SHOC2: variants seen among roughly 807,000 people sequenced by gnomAD.
The protein encoded by SHOC2 is SHOC2 leucine rich repeat scaffold protein.
A neutral mutation model predicts 50.2 loss-of-function variants in SHOC2; 4 were observed. The observed-to-expected ratio is 0.08, with a 90% CI of 0.04 to 0.18. The LOEUF (loss-of-function observed/expected upper bound fraction) is 0.18, where lower values mean the gene tolerates loss of function less well. Ranked by LOEUF, SHOC2 falls within the 10% of genes least tolerant of loss-of-function variation. The probability of loss-of-function intolerance (pLI) is 1.00; values close to 1 mark genes in which losing one functional copy is unlikely to be tolerated. For missense variants in SHOC2, 388 were observed against 669.6 expected (o/e 0.58, Z 4.64); for synonymous variants, 218 against 244.5 (o/e 0.89, Z 1.01).
intron 1 of SHOC2, among the ~76,000 whole-genome samples, chr10:110,961,358 T>A (rs1429398855): frequency 1.3e-5 from 2 of 152,232 alleles, no homozygotes; most frequent in African/African-American, 4.8e-5. Context: ...TGTTTTCTTA[T>A]CTAAAACGTT....
intron 1 of SHOC2, among the ~76,000 whole-genome samples, chr10:110,933,556 C>A (rs1846936578): frequency 6.6e-6 from 1 of 152,076 alleles, no homozygotes; most frequent in African/African-American, 2.4e-5. Flanking sequence ...TGAGTGAACC[C>A]AGTAGGGGAA....
intron 1 of SHOC2, among the ~76,000 whole-genome samples, chr10:110,939,607 GACGTATGTCAACTTTGATGTTAGATTATA>G (rs1847097174): frequency 1.3e-5 from 2 of 152,170 alleles, no homozygotes; most frequent in Non-Finnish European, 2.9e-5. Context: ...GTTAGATTAT[GACGTATGTCAACTTTGATGTTAGATTATA>G]ACGTATGTCA....
chr10:110,924,130 C>T (rs1339913036), intron 1 of SHOC2, among the ~76,000 whole-genome samples: 1 of 152,090 alleles, frequency 6.6e-6, no homozygotes, highest in Non-Finnish European at 1.5e-5. Flanking sequence ...ATAAATATTT[C>T]TTAGTAACTA....
chr10:110,933,899 T>C (rs1009972268), intron 1 of SHOC2, among the ~76,000 whole-genome samples: 2 of 152,184 alleles, frequency 1.3e-5, no homozygotes, highest in African/African-American at 4.8e-5. Context: ...TGGATTTTTT[T>C]GTGAGGCTCC....
At chr10:110,973,864 C>T (rs1459928236) in intron 2 of SHOC2, among the ~76,000 whole-genome samples, 4 of 151,170 alleles carry the variant, frequency 2.6e-5, no homozygotes. Flanking sequence ...TTTTAATGTT[C>T]CATATATATA....
Position 110,982,082 on chromosome 10 carries a change from A to G in SHOC2, c.704-3546A>G, listed in dbSNP as rs1193792221. Among the ~76,000 whole-genome samples, 8 of 138,790 alleles carry G rather than the reference A, an allele frequency of 5.8e-5. No individual in the cohort carries two copies. In the South Asian group the frequency reaches 1.7e-3, roughly 29 times the overall value. 91.1% of individuals were successfully genotyped at this position (138,790 alleles called of 152,430 possible). ...CATGTGATCTCATTGTTCAGTTCCC[A>G]CCTATGAGTGAGAATATGCGGTGTT... On this transcript the variant is annotated intron_variant, in intron 2 of 8. Transcript: ENST00000369452.
chr10:111,001,854 A>T (rs369139394), intron 4 of SHOC2, among the ~76,000 whole-genome samples: 2 of 152,164 alleles, frequency 1.3e-5, no homozygotes, highest in Admixed American at 1.3e-4. Flanking sequence ...CCTGGCCAAC[A>T]TGGCAAAACC....
chr10:110,999,123 C>T (rs1848319982), intron 3 of SHOC2, among the ~76,000 whole-genome samples: 1 of 152,190 alleles, frequency 6.6e-6, no homozygotes, highest in Non-Finnish European at 1.5e-5. Context: ...CAGGCTTCCA[C>T]TTCTGTAATT....
intron 3 of SHOC2, among the ~76,000 whole-genome samples, chr10:110,990,346 T>C (rs1276915318): frequency 2.7e-5 from 4 of 150,500 alleles, no homozygotes; most frequent in Non-Finnish European, 5.9e-5. Context: ...TGTATCTAGG[T>C]GCTCTGGTGG....
chr10:110,990,662 A>G (rs764100396), intron 3 of SHOC2, among the ~76,000 whole-genome samples: 12 of 152,128 alleles, frequency 7.9e-5, no homozygotes, highest in Non-Finnish European at 1.3e-4. Context: ...AGGCTGCCGG[A>G]GCCAGCATTG....
intron 1 of SHOC2, among the ~76,000 whole-genome samples, chr10:110,953,693 TTGAG>T (rs1203370798): frequency 2.0e-5 from 3 of 151,658 alleles, no homozygotes; most frequent in Non-Finnish European, 4.4e-5. Flanking sequence ...CAGTAAATCT[TTGAG>T]AGAGAGATAT....
chr10:110,922,677 C>G (rs1329371393), intron 1 of SHOC2, among the ~76,000 whole-genome samples: 2 of 151,932 alleles, frequency 1.3e-5, no homozygotes, highest in East Asian at 1.9e-4. Flanking sequence ...TTAAAAAACC[C>G]CAAACAATAA....
chr10:110,947,424 T>C (rs1847266596), intron 1 of SHOC2, among the ~76,000 whole-genome samples: 1 of 152,194 alleles, frequency 6.6e-6, no homozygotes, highest in South Asian at 2.1e-4. Flanking sequence ...AGCTCCTCTG[T>C]AAAGACTGGA....
chr10:110,957,239 G>A (rs17128191), intron 1 of SHOC2, among the ~76,000 whole-genome samples: 3,254 of 152,238 alleles, frequency 0.021, 124 homozygotes, highest in African/African-American at 0.075. Flanking sequence ...ATAGTGCCCT[G>A]AATATCAGTA....
At chr10:110,920,825 A>G (rs764792537) in intron 1 of SHOC2, among the ~76,000 whole-genome samples, 2 of 152,180 alleles carry the variant, frequency 1.3e-5, no homozygotes, top group Non-Finnish European at 2.9e-5. Context: ...ACTGTATAGT[A>G]TTTGCCTCCA....
At chr10:110,976,628 G>A (rs1847883195) in intron 2 of SHOC2, among the ~76,000 whole-genome samples, 1 of 152,072 alleles carries the variant, frequency 6.6e-6, no homozygotes, top group Non-Finnish European at 1.5e-5. Flanking sequence ...GTTTTTGAAA[G>A]CTGTTTTTCC....
At chr10:110,987,199 G>A (rs547762033) in intron 3 of SHOC2, among the ~76,000 whole-genome samples, 133 of 152,208 alleles carry the variant, frequency 8.7e-4, no homozygotes, top group African/African-American at 3.1e-3. Context: ...TTCTGTTCTG[G>A]TGCTTAGTCA....
intron 3 of SHOC2, among the ~76,000 whole-genome samples, chr10:110,996,071 A>G (rs1848262194): frequency 6.6e-6 from 1 of 152,206 alleles, no homozygotes; most frequent in African/African-American, 2.4e-5. Context: ...ACTGTACTGT[A>G]AGCCTCTTGA....
intron 1 of SHOC2, among the ~76,000 whole-genome samples, chr10:110,941,673 G>A (rs796903108): frequency 1.1e-4 from 17 of 152,138 alleles, no homozygotes; most frequent in African/African-American, 3.9e-4. Context: ...GACTTTTGTC[G>A]AATACATGGT....
Sources: allele counts gnomAD v4.1 joint callset (sites outside exome capture counted in the v4.1 genomes callset), GRCh38; gene constraint gnomAD v4.1.1; transcripts MANE v1.5; gene names NCBI Gene and HGNC (gene_info 2026-07-23, HGNC 2026-07-21).